TPM4: variants seen among roughly 807,000 people sequenced by gnomAD.
TPM4 encodes tropomyosin alpha-4 chain.
A neutral mutation model predicts 35.8 loss-of-function variants in TPM4; 17 were observed. That is an observed-to-expected ratio of 0.47 (90% CI 0.32 to 0.71). The LOEUF (loss-of-function observed/expected upper bound fraction) is 0.71. TPM4 is among the 30% of genes least tolerant of loss of function. The pLI, the probability that TPM4 is intolerant of heterozygous loss-of-function variation, is 0.03. For missense variants in TPM4, 240 were observed against 320.9 expected (o/e 0.75, Z 1.93); for synonymous variants, 120 against 122.9 (o/e 0.98, Z 0.15).
intron 5 of TPM4, among the ~76,000 whole-genome samples, chr19:16,091,840 A>G (rs2090630566): frequency 6.6e-6 from 1 of 152,182 alleles, no homozygotes; most frequent in Non-Finnish European, 1.5e-5. Context: ...CCTCCCCTAT[A>G]AAATGGGATT....
At position 16,076,523 on chromosome 19, in the gene TPM4, C is replaced by A; in HGVS notation, c.-43C>A. On this transcript the variant is annotated 5_prime_UTR_variant, in exon 1 of 8. Coordinates refer to ENST00000643579, the MANE Select transcript of TPM4 (RefSeq NM_003290.3). ...CAGCTCTCGCCGGAGCCGAGCCCAG[C>A]CGAGCGTCCGCCGCTGCCCGTGCGC... The A allele has an allele frequency of 1.4e-6, 2 of 1,400,542 alleles. No individual in the cohort carries two copies. Among genetic ancestry groups the A allele is most frequent in the Non-Finnish European group, 9.2e-7 (1 of 1,081,570 alleles). 86.8% of individuals were successfully genotyped at this position (1,400,542 alleles called of 1,614,324 possible).
chr19:16,086,137 GT>G (rs2090548729), intron 2 of TPM4, among the ~76,000 whole-genome samples: 1 of 149,992 alleles, frequency 6.7e-6, no homozygotes, highest in Non-Finnish European at 1.5e-5. Flanking sequence ...GTGTGTTACA[GT>G]GCTCAGTAGA....
At chr19:16,076,316 A>G, upstream of TPM4, 1 of 1,504,892 alleles carries the variant, frequency 6.6e-7, no homozygotes, top group Non-Finnish European at 8.8e-7. Flanking sequence ...AAGTCCCGAA[A>G]AGGGGCACTT....
At chr19:16,089,436 C>T (rs2090598829) in intron 5 of TPM4, among the ~76,000 whole-genome samples, 1 of 152,168 alleles carries the variant, frequency 6.6e-6, no homozygotes, top group Non-Finnish European at 1.5e-5. Context: ...ACCTGATTCC[C>T]CTGGTTCCTC....
chr19:16,076,044 C>G, upstream of TPM4: 2 of 1,607,468 alleles, frequency 1.2e-6, no homozygotes, highest in Non-Finnish European at 1.7e-6. Flanking sequence ...CTGTCGTCCC[C>G]AGGTGGAGGA....
chr19:16,080,468 G>A (rs1034897856), intron 1 of TPM4: 2 of 193,872 alleles, frequency 1.0e-5, no homozygotes, highest in Non-Finnish European at 2.2e-5. Context: ...TTGGGATGGA[G>A]AGGGCCAGGA....
At chr19:16,074,019 A>G (rs1184190405), upstream of TPM4, among the ~76,000 whole-genome samples, 6 of 140,452 alleles carry the variant, frequency 4.3e-5, no homozygotes, top group East Asian at 2.1e-4. Flanking sequence ...AAAAAAAAAA[A>G]GGCAAAAAAA....
chr19:16,074,516 C>T (rs539091341), upstream of TPM4: 1 of 152,356 alleles, frequency 6.6e-6, no homozygotes, highest in East Asian at 1.9e-4. Context: ...ACCCAAACCT[C>T]ATCATCTTCC....
At chr19:16,079,586 T>C (rs1419101384) in intron 1 of TPM4, among the ~76,000 whole-genome samples, 2 of 152,188 alleles carry the variant, frequency 1.3e-5, no homozygotes, top group Non-Finnish European at 2.9e-5. Context: ...CTTCTAGGAA[T>C]CTGAGGCTGA....
intron 4 of TPM4, chr19:16,088,497 A>C (rs2090587031): frequency 1.9e-6 from 2 of 1,060,220 alleles, no homozygotes; most frequent in Non-Finnish European, 2.3e-6. Context: ...TGGCCGTGAC[A>C]CATTCCTGGC....
chr19:16,095,445 G>C (rs894474416), intron 7 of TPM4: 2 of 1,027,184 alleles, frequency 1.9e-6, no homozygotes, highest in African/African-American at 3.4e-5. Context: ...TGGTTTGAAC[G>C]TCAGAGCCTT....
At chr19:16,073,944 A>T (rs2090378345), upstream of TPM4, among the ~76,000 whole-genome samples, 1 of 99,762 alleles carries the variant, frequency 1.0e-5, no homozygotes. Flanking sequence ...CATGTAAAAA[A>T]AAAAAAAAAA....
intron 2 of TPM4, among the ~76,000 whole-genome samples, chr19:16,068,467 C>A (rs1483277419): frequency 6.6e-6 from 1 of 151,964 alleles, no homozygotes; most frequent in Admixed American, 6.6e-5. Flanking sequence ...TGAGCCACTG[C>A]GCCCGGCCAT....
chr19:16,086,199 A>G (rs2090549562), intron 2 of TPM4, among the ~76,000 whole-genome samples: 1 of 152,022 alleles, frequency 6.6e-6, no homozygotes, highest in Non-Finnish European at 1.5e-5. Flanking sequence ...TGTCTCACGC[A>G]ATTAGCCAGA....
rs1195606325 is a variant in TPM4 at position 16,082,990 on chromosome 19, C to CAAA, written c.266+966_266+968dup. 2.8e-3 allele frequency among the ~76,000 whole-genome samples: 175 copies of CAAA among 62,820 alleles called. 3 individuals are homozygous for CAAA. Among genetic ancestry groups the CAAA allele is most frequent in the African/African-American group, 5.0e-3 (84 of 16,728 alleles). The allele number at this position is 62,820 out of a possible 152,430, so 41.2% of individuals were successfully genotyped here. A position where few individuals can be genotyped will look rare whatever the true frequency, so the allele number is the denominator to read the frequency against. ...CTCAGTGACAGATGAGATTCTGTCT[C>CAAA]AAAAAAAAAAAAAAAAAAAAAAAAG... On this transcript the variant is annotated intron_variant, in intron 2 of 7. Transcript: ENST00000643579.
At chr19:16,093,837 A>G in intron 7 of TPM4, 84 bp downstream of exon 7, 1 of 1,482,150 alleles carries the variant, frequency 6.7e-7, no homozygotes, top group Non-Finnish European at 9.3e-7. Context: ...ATGTTTGTGG[A>G]GGGGCTGGGT....
chr19:16,102,666 A>G lies in TPM4; in HGVS notation c.*1320A>G, dbSNP rs915029823. The G allele has an allele frequency of 4.4e-6, 1 of 229,152 alleles. No individual in the cohort carries two copies. Among genetic ancestry groups the G allele is most frequent in the African/African-American group, 2.2e-5 (1 of 45,108 alleles). 14.2% of individuals were successfully genotyped at this position (229,152 alleles called of 1,614,324 possible). A position where few individuals can be genotyped will look rare whatever the true frequency, so the allele number is the denominator to read the frequency against. ...TCCTGATTAAACTGGATAATGAAGG[A>G]TTCTGTAGACAGGGCTGCACGTATC... On this transcript the variant is annotated 3_prime_UTR_variant, in exon 8 of 8. Coordinates refer to ENST00000643579, the MANE Select transcript of TPM4 (RefSeq NM_003290.3).
chr19:16,095,537 A>G, intron 7 of TPM4: 5 of 1,015,374 alleles, frequency 4.9e-6, no homozygotes, highest in Non-Finnish European at 5.9e-6. Flanking sequence ...CATTTTCTCC[A>G]CTTGCTGCCT....
At chr19:16,100,382 G>A (rs1435033687) in intron 7 of TPM4, 1 of 151,896 alleles carries the variant, frequency 6.6e-6, no homozygotes, top group Non-Finnish European at 1.5e-5. Context: ...GCAACATTTG[G>A]GATATACTTA....
Sources: gnomAD v4.1 joint callset for allele counts (sites outside exome capture counted in the v4.1 genomes callset) on GRCh38, gnomAD v4.1.1 for gene constraint, MANE v1.5 for transcripts, NCBI Gene and HGNC (gene_info 2026-07-23, HGNC 2026-07-21) for gene names.